Variants in KLF12 observed in about 807,000 individuals in gnomAD.
KLF12 encodes the protein KLF transcription factor 12.
A neutral mutation model predicts 37.8 loss-of-function variants in KLF12; 9 were observed. That is an observed-to-expected ratio of 0.24 (90% CI 0.14 to 0.42). The LOEUF (loss-of-function observed/expected upper bound fraction) is 0.42, where lower values mean the gene tolerates loss of function less well. Ranked by LOEUF, KLF12 falls within the 10% of genes least tolerant of loss-of-function variation. The pLI is 1.00. For synonymous variants in KLF12, 208 were observed against 202.1 expected (o/e 1.03, Z -0.25); for missense variants, 411 against 516.0 (o/e 0.80, Z 1.97).
At chr13:74,122,531 G>A (rs1029653113) in intron 1 of KLF12, among the ~76,000 whole-genome samples, 1 of 151,920 alleles carries the variant, frequency 6.6e-6, no homozygotes, top group African/African-American at 2.4e-5. Flanking sequence ...TTGAATGGAT[G>A]GTCCTATCCC....
At chr13:73,814,502 G>A (rs73531688) in intron 4 of KLF12, among the ~76,000 whole-genome samples, 5,580 of 152,162 alleles carry the variant, frequency 0.037, 157 homozygotes, top group African/African-American at 0.073. Context: ...ATTTCATCAC[G>A]TTTCTAACTA....
At chr13:74,182,904 C>T in the KLF12 span, among the ~76,000 whole-genome samples, 8 of 151,918 alleles carry the variant, frequency 5.3e-5, no homozygotes, top group South Asian at 1.5e-3. Context: ...TCCTTAGGGG[C>T]ATGTATGGGG....
At chr13:73,850,723 A>C (rs949323704) in intron 3 of KLF12, among the ~76,000 whole-genome samples, 9 of 152,198 alleles carry the variant, frequency 5.9e-5, no homozygotes, top group African/African-American at 2.2e-4. Flanking sequence ...ATGGGCATTC[A>C]CACGTACACA....
chr13:74,023,714 C>T (rs1892903587), intron 1 of KLF12, among the ~76,000 whole-genome samples: 1 of 152,118 alleles, frequency 6.6e-6, no homozygotes, highest in African/African-American at 2.4e-5. Flanking sequence ...ATTACATTGG[C>T]AACAACTCTA....
chr13:73,908,151 C>G (rs1423887690), intron 3 of KLF12, among the ~76,000 whole-genome samples: 1 of 151,952 alleles, frequency 6.6e-6, no homozygotes, highest in East Asian at 1.9e-4. Flanking sequence ...GCCTGTAATC[C>G]CAGCACTCTG....
upstream of KLF12, among the ~76,000 whole-genome samples, chr13:74,137,864 G>T (rs764308988): frequency 6.6e-6 from 1 of 152,160 alleles, no homozygotes; most frequent in Non-Finnish European, 1.5e-5. Context: ...GCGTTCAAGC[G>T]ATTCTCCTGC....
intron 1 of KLF12, among the ~76,000 whole-genome samples, chr13:74,083,087 C>T: frequency 6.6e-6 from 1 of 152,174 alleles, no homozygotes; most frequent in Non-Finnish European, 1.5e-5. Context: ...ACAAAGTACA[C>T]AGTGAGCTCA....
chr13:74,220,444 G>C, the KLF12 span, among the ~76,000 whole-genome samples: 12 of 152,258 alleles, frequency 7.9e-5, no homozygotes, highest in African/African-American at 2.9e-4. Context: ...TTATGTACAT[G>C]ATGTTTTGAT....
chr13:74,272,540 A>G, the KLF12 span, among the ~76,000 whole-genome samples: 2 of 152,182 alleles, frequency 1.3e-5, no homozygotes, highest in African/African-American at 4.8e-5. Flanking sequence ...AAGACTTCAG[A>G]CATTAGGTTT....
intron 3 of KLF12, among the ~76,000 whole-genome samples, chr13:73,897,999 T>A (rs757732246): frequency 3.9e-5 from 6 of 152,176 alleles, no homozygotes; most frequent in Non-Finnish European, 7.3e-5. Flanking sequence ...CATTCTCTGT[T>A]CATGCAGGGG....
the KLF12 span, among the ~76,000 whole-genome samples, chr13:74,268,061 C>T: frequency 6.6e-6 from 1 of 152,126 alleles, no homozygotes; most frequent in Non-Finnish European, 1.5e-5. Context: ...TTGATTCTGA[C>T]TTCTGGACCC....
chr13:73,818,878 G>A (rs1883375706), intron 4 of KLF12, among the ~76,000 whole-genome samples: 1 of 152,194 alleles, frequency 6.6e-6, no homozygotes, highest in Non-Finnish European at 1.5e-5. Flanking sequence ...CTATCTGCAG[G>A]TGCCCTAATT....
At chr13:74,215,535 G>A in the KLF12 span, among the ~76,000 whole-genome samples, 1 of 143,416 alleles carries the variant, frequency 7.0e-6, no homozygotes, top group East Asian at 2.1e-4. Context: ...TCAAATTTCT[G>A]ATGATGTTTA....
chr13:73,934,950 A>AT (rs1889857646), intron 3 of KLF12, among the ~76,000 whole-genome samples: 6 of 139,588 alleles, frequency 4.3e-5, no homozygotes, highest in South Asian at 2.4e-4. Flanking sequence ...ATAGGTTTTT[A>AT]TTATTTATTT....
At chr13:74,200,442 C>T in the KLF12 span, among the ~76,000 whole-genome samples, 1 of 152,010 alleles carries the variant, frequency 6.6e-6, no homozygotes, top group African/African-American at 2.4e-5. Context: ...TATTATGTGT[C>T]ATGGAAGGGT....
the KLF12 span, among the ~76,000 whole-genome samples, chr13:74,289,891 C>G: frequency 6.6e-6 from 1 of 152,078 alleles, no homozygotes; most frequent in African/African-American, 2.4e-5. Flanking sequence ...TATATCGGAG[C>G]CCTCATAAGT....
chr13:73,811,694 C>T (rs1053165750), intron 5 of KLF12, among the ~76,000 whole-genome samples: 4 of 152,042 alleles, frequency 2.6e-5, no homozygotes, highest in African/African-American at 9.7e-5. Flanking sequence ...AATAACTTGC[C>T]AGAAGTCACA....
chr13:74,171,481 G>A, the KLF12 span, among the ~76,000 whole-genome samples: 3 of 152,092 alleles, frequency 2.0e-5, no homozygotes, highest in African/African-American at 7.2e-5. Context: ...TAAATAGGAG[G>A]GAAAACCGCT....
chr13:73,889,478 T>A (rs1887399585), intron 3 of KLF12, among the ~76,000 whole-genome samples: 1 of 152,130 alleles, frequency 6.6e-6, no homozygotes, highest in Non-Finnish European at 1.5e-5. Flanking sequence ...AAATGGGAAA[T>A]CTAAGAGGTT....
Sources: gnomAD v4.1 joint callset for allele counts (sites outside exome capture counted in the v4.1 genomes callset) on GRCh38, gnomAD v4.1.1 for gene constraint, MANE v1.5 for transcripts, NCBI Gene and HGNC (gene_info 2026-07-23, HGNC 2026-07-21) for gene names.